HACE1: variants seen among roughly 807,000 people sequenced by gnomAD.
The protein encoded by HACE1 is E3 ubiquitin-protein ligase HACE1.
In HACE1, 73 loss-of-function variants were observed where a neutral mutation model predicts 118.4. The ratio of observed to expected loss-of-function variants is 0.62; its 90% confidence interval spans 0.51 to 0.75. HACE1 has a LOEUF of 0.75. Ranked by LOEUF, HACE1 falls within the 30% of genes least tolerant of loss-of-function variation. The pLI is 0.00. For synonymous variants in HACE1, 368 were observed against 374.8 expected, an observed-to-expected ratio of 0.98 and a Z score of 0.21; for missense variants, 749 against 1,102.2, an observed-to-expected ratio of 0.68 and a Z score of 4.54.
In HACE1 at chr6:104,849,205, CCTTT is replaced by C. The variant is rs1775939411; in HGVS notation, c.259_262del (p.Lys87GlufsTer27). The C allele has an allele frequency of 6.2e-7, 1 of 1,611,658 alleles. No individual in the cohort carries two copies. Among genetic ancestry groups the C allele is most frequent in the Non-Finnish European group, 8.5e-7 (1 of 1,177,852 alleles). On this transcript the variant is annotated frameshift_variant, in exon 4 of 24. Transcript: ENST00000262903. LOFTEE classifies it high-confidence loss of function. ...AATATCTTGATAGTTAGGATTTGCT[CCTTT>C]CTTTAACAGCAAAACCAAGCATTCC...
intron 14 of HACE1, among the ~76,000 whole-genome samples, chr6:104,780,621 T>C (rs1781626089): frequency 6.6e-6 from 1 of 152,130 alleles, no homozygotes; most frequent in South Asian, 2.1e-4. Flanking sequence ...GCCAATATAA[T>C]GTCCAGTCCC....
intron 5 of HACE1, 129 bp from the exon 6 acceptor site, chr6:104,833,302 A>G: frequency 1.2e-6 from 1 of 828,782 alleles, no homozygotes; most frequent in Non-Finnish European, 2.1e-6. Flanking sequence ...AAGTCCATGT[A>G]ATGGTTTAAA....
rs180732262 is a variant in HACE1, at chr6:104,730,804, A to G, written c.2514-388T>C. 1.5e-4 allele frequency: 32 copies of G among 209,790 alleles called. No individual in the cohort carries two copies. In the Middle Eastern group the frequency reaches 5.9e-3, roughly 39 times the overall value. 13.0% of individuals were successfully genotyped at this position (209,790 alleles called of 1,614,324 possible). ...GGCTAGCAAAATGCCTGGAGTAGAC[A>G]TTCATTAAATGTTTGTTGAATAGAT... On this transcript the variant is annotated intron_variant, in intron 22 of 23. Coordinates refer to ENST00000262903, the MANE Select transcript of HACE1 (RefSeq NM_020771.4).
chr6:104,808,829 G>A (rs1771304154), intron 7 of HACE1, among the ~76,000 whole-genome samples: 1 of 152,096 alleles, frequency 6.6e-6, no homozygotes, highest in Admixed American at 6.6e-5. Flanking sequence ...TGTGCCTGCA[G>A]AAGAACCATG....
rs914591512 is a variant in HACE1, at chr6:104,750,591, T to C, written c.2212-119A>G. ...AAAATAAAATTGACACCAACACTCA[T>C]ACATCTCAGCAAATCAGCAAGCCAC... On this transcript the variant is annotated intron_variant, in intron 19 of 23. Transcript: ENST00000262903. 10 of 926,130 alleles carry C rather than the reference T, an allele frequency of 1.1e-5. 1 individual carries two copies. The highest frequency in any genetic ancestry group is 1.7e-5 in the Non-Finnish European group (10 of 604,344). 57.4% of individuals were successfully genotyped at this position (926,130 alleles called of 1,614,324 possible). A position where few individuals can be genotyped will look rare whatever the true frequency, so the allele number is the denominator to read the frequency against.
In HACE1 at chr6:104,777,322, C is replaced by G; in HGVS notation, c.1567-5G>C. 1 of 1,575,212 alleles carries G rather than the reference C, an allele frequency of 6.3e-7. No homozygotes were observed. The highest frequency in any genetic ancestry group is 8.7e-7 in the Non-Finnish European group (1 of 1,144,508). On this transcript the variant is annotated splice_region_variant and splice_polypyrimidine_tract_variant and intron_variant, in intron 14 of 23. Coordinates refer to ENST00000262903, the MANE Select transcript of HACE1 (RefSeq NM_020771.4). ...TTCACAGCGATCTTTAAAAGGCTAG[C>G]TCAAAAAATAAGAGTAAAATATGTT...
chr6:104,854,248 G>A (rs1226063927), intron 1 of HACE1, among the ~76,000 whole-genome samples: 1 of 152,220 alleles, frequency 6.6e-6, no homozygotes, highest in African/African-American at 2.4e-5. Flanking sequence ...CAGTTTGGAG[G>A]AGACTAAAGA....
intron 19 of HACE1, among the ~76,000 whole-genome samples, chr6:104,768,662 A>G (rs575841564): frequency 1.3e-5 from 2 of 152,276 alleles, no homozygotes; most frequent in South Asian, 4.1e-4. Context: ...CTGAGAATGT[A>G]TAACATTAAT....
At chr6:104,752,798 T>C (rs892722157) in intron 19 of HACE1, among the ~76,000 whole-genome samples, 1 of 152,176 alleles carries the variant, frequency 6.6e-6, no homozygotes, top group African/African-American at 2.4e-5. Flanking sequence ...CCATTTATTT[T>C]AATATTTATT....
At chr6:104,746,685 A>G (rs1407658328) in intron 20 of HACE1, among the ~76,000 whole-genome samples, 1 of 152,180 alleles carries the variant, frequency 6.6e-6, no homozygotes, top group African/African-American at 2.4e-5. Flanking sequence ...CTCACTAGAC[A>G]TTGTTTATTC....
At chr6:104,756,721 G>T (rs1022133618) in intron 19 of HACE1, among the ~76,000 whole-genome samples, 4 of 152,116 alleles carry the variant, frequency 2.6e-5, no homozygotes, top group Non-Finnish European at 5.9e-5. Context: ...CACGGAGGGC[G>T]AGCCAAAGCA....
chr6:104,858,776 T>C (rs1352239968), intron 1 of HACE1, among the ~76,000 whole-genome samples: 4 of 152,176 alleles, frequency 2.6e-5, no homozygotes, highest in Non-Finnish European at 5.9e-5. Context: ...AGCACTGCTG[T>C]CTCCCATCAC....
Position 104,771,404 on chromosome 6 carries a change from C to A in HACE1, c.2015-15G>T. On this transcript the variant is annotated splice_polypyrimidine_tract_variant and intron_variant, in intron 18 of 23. Coordinates refer to ENST00000262903, the MANE Select transcript of HACE1 (RefSeq NM_020771.4). Reference sequence around the variant, plus strand: ...TACAGGAATACCTAAAAAATGCAAACATACAGCAGTTATAGTCTGGTTTTG... The same window carrying A: ...TACAGGAATACCTAAAAAATGCAAAAATACAGCAGTTATAGTCTGGTTTTG... 6.4e-7 allele frequency: 1 copy of A among 1,562,284 alleles called. No homozygotes were observed. The highest frequency in any genetic ancestry group is 1.7e-5 in the Admixed American group (1 of 59,770).
chr6:104,807,607 A>G (rs1028469774), intron 7 of HACE1, among the ~76,000 whole-genome samples: 3 of 152,220 alleles, frequency 2.0e-5, no homozygotes, highest in Non-Finnish European at 4.4e-5. Flanking sequence ...AACTGAGAAC[A>G]TAAGGATTGA....
At chr6:104,762,888 G>T (rs149502179) in intron 19 of HACE1, among the ~76,000 whole-genome samples, 5,017 of 151,130 alleles carry the variant, frequency 0.033, 292 homozygotes, top group African/African-American at 0.12. Context: ...TACTCGGGAG[G>T]CTGAGGCAGG....
chr6:104,819,289 T>G (rs1333949796), intron 6 of HACE1, among the ~76,000 whole-genome samples: 1 of 152,002 alleles, frequency 6.6e-6, no homozygotes, highest in African/African-American at 2.4e-5. Context: ...CATTCACAAC[T>G]GCCACAAAAA....
chr6:104,803,187 G>A (rs1423028796), intron 7 of HACE1, among the ~76,000 whole-genome samples: 1 of 152,160 alleles, frequency 6.6e-6, no homozygotes, highest in African/African-American at 2.4e-5. Flanking sequence ...CTCTGAAATT[G>A]AGGCAATAAT....
chr6:104,803,204 C>G (rs564938669), intron 7 of HACE1, among the ~76,000 whole-genome samples: 1 of 152,158 alleles, frequency 6.6e-6, no homozygotes, highest in East Asian at 1.9e-4. Context: ...TAATTAATAG[C>G]CTACCAACCA....
At chr6:104,814,865 T>C (rs1771957090) in intron 6 of HACE1, among the ~76,000 whole-genome samples, 1 of 138,298 alleles carries the variant, frequency 7.2e-6, no homozygotes, top group African/African-American at 2.9e-5. Flanking sequence ...TCCACCATGA[T>C]TGTAAGTTTC....
Sources: allele counts gnomAD v4.1 joint callset (sites outside exome capture counted in the v4.1 genomes callset), GRCh38; gene constraint gnomAD v4.1.1; transcripts MANE v1.5; gene names NCBI Gene and HGNC (gene_info 2026-07-23, HGNC 2026-07-21).